Variants in FXR2 observed in about 807,000 individuals in gnomAD.
The protein encoded by FXR2 is FMR1 autosomal homolog 2.
FXR2 carries 9 observed loss-of-function variants against 87.3 expected under a neutral mutation model. That is an observed-to-expected ratio of 0.10 (90% CI 0.06 to 0.18). The LOEUF (loss-of-function observed/expected upper bound fraction) is 0.18, where lower values mean the gene tolerates loss of function less well. FXR2 is among the 10% of genes least tolerant of loss of function. The pLI is 1.00. For missense variants in FXR2, 661 were observed against 893.6 expected (o/e 0.74, Z 3.32); for synonymous variants, 331 against 328.3 (o/e 1.01, Z -0.09).
At chr17:7,605,310 G>A (rs971001692) in intron 3 of FXR2, among the ~76,000 whole-genome samples, 4 of 152,086 alleles carry the variant, frequency 2.6e-5, no homozygotes, top group Admixed American at 2.0e-4. Context: ...GGAGGTTGCA[G>A]TTAGCTGAGA....
rs138740622 is a variant in FXR2, at chr17:7,593,688, T to G, written c.1108-63A>C. On this transcript the variant is annotated intron_variant, in intron 11 of 16. Transcript: ENST00000250113. This position sits in a 1 kb window ranked among gnomAD's most constrained non-coding sequence, Gnocchi z 6.1. ...TAAGATCAGTGCCTTGCTTCATGCT[T>G]CTGCACCCTGACTGTCCCTCTATAT... 432 of 1,140,724 alleles carry G rather than the reference T, an allele frequency of 3.8e-4. 2 individuals carry two copies. In the African/African-American group the frequency reaches 5.1e-3, roughly 14 times the overall value. The allele number at this position is 1,140,724 out of a possible 1,614,324, so 70.7% of individuals were successfully genotyped here.
rs1205769191 is a variant in FXR2, at chr17:7,593,374, C to G, written c.1330+29G>C. 2 of 1,511,828 alleles carry G rather than the reference C, an allele frequency of 1.3e-6. No homozygotes were observed. Among genetic ancestry groups the G allele is most frequent in the South Asian group, 2.4e-5 (2 of 83,398 alleles). 93.7% of individuals were successfully genotyped at this position (1,511,828 alleles called of 1,614,324 possible). On this transcript the variant is annotated intron_variant, in intron 12 of 16. Transcript: ENST00000250113. The surrounding 1 kb of genome is among the most constrained non-coding windows in gnomAD (Gnocchi z 6.1). ...CCTCTACCCACAAGCCCTGCCACTC[C>G]TTGCCTCCTGTTCCCATAACTGTCT...
chr17:7,611,952 C>T (rs796762308), intron 1 of FXR2, among the ~76,000 whole-genome samples: 3 of 152,336 alleles, frequency 2.0e-5, no homozygotes, highest in African/African-American at 7.2e-5. Flanking sequence ...CACATTACCA[C>T]ATTACCTGGC....
chr17:7,612,638 C>T (rs894211537), intron 1 of FXR2, among the ~76,000 whole-genome samples: 6 of 151,910 alleles, frequency 3.9e-5, no homozygotes, highest in African/African-American at 1.2e-4. Context: ...CCACAGTCAC[C>T]GCAGAGAAAT....
At chr17:7,601,180 C>CAAAA (rs35065111) in intron 7 of FXR2, among the ~76,000 whole-genome samples, 1 of 79,372 alleles carries the variant, frequency 1.3e-5, no homozygotes, top group Non-Finnish European at 2.7e-5. Context: ...CTCTGTCTCC[C>CAAAA]AAAAAAAAAA....
chr17:7,603,039 G>A (rs1247169628), intron 5 of FXR2, 37 bp from the exon 6 acceptor site: 2 of 1,044,598 alleles, frequency 1.9e-6, no homozygotes, highest in Admixed American at 3.8e-5. Flanking sequence ...GCAGAATGCA[G>A]AGAGTACAGT....
rs1192210653 is a variant in FXR2 at position 7,595,778 on chromosome 17, C to T, written c.831+46G>A. On this transcript the variant is annotated intron_variant, in intron 8 of 16. Transcript: ENST00000250113. The surrounding 1 kb of genome is among the most constrained non-coding windows in gnomAD (Gnocchi z 4.7). ...CTTATTTTCTACTTCGGCCTCTCTT[C>T]CCTCTATCCCCTAAGAGACCCAGAA... 2.0e-6 allele frequency: 3 copies of T among 1,517,970 alleles called. No homozygotes were observed. The highest frequency in any genetic ancestry group is 1.4e-5 in the African/African-American group (1 of 72,718). The allele number at this position is 1,517,970 out of a possible 1,614,324, so 94.0% of individuals were successfully genotyped here. A position where few individuals can be genotyped will look rare whatever the true frequency, so the allele number is the denominator to read the frequency against.
chr17:7,600,254 A>G (rs1449716530), intron 7 of FXR2, among the ~76,000 whole-genome samples: 2 of 150,836 alleles, frequency 1.3e-5, no homozygotes, highest in African/African-American at 2.4e-5. Context: ...GCTGAAGTGC[A>G]ATGGCGCAAT....
At chr17:7,604,190 G>A (rs1427789021) in intron 3 of FXR2, 110 bp from the exon 4 acceptor site, 2 of 792,702 alleles carry the variant, frequency 2.5e-6, no homozygotes, top group Non-Finnish European at 4.3e-6. Context: ...TCAGCGCTTT[G>A]GGAGGCTGAG....
chr17:7,593,070 C>T lies in FXR2; in HGVS notation c.1442G>A (p.Arg481Gln), dbSNP rs763154238. ...ACCCCGGCCCCCAGTCGGCCGCCTC[C>T]GGCTTTCTTCCCCTCGGGTTGGGGG... ...RDPPTRGEESRRRPTGGRGRG... is the reference protein window; with the variant it reads ...RDPPTRGEESQRRPTGGRGRG... The change falls in exon 13 of 17, where the codon CGG becomes CAG. Residue 481 changes from arginine (R) to glutamine (Q), a missense_variant. Coordinates refer to ENST00000250113, the MANE Select transcript of FXR2 (RefSeq NM_004860.4). This position sits in a 1 kb window ranked among gnomAD's most constrained non-coding sequence, Gnocchi z 6.1. The T allele has an allele frequency of 1.1e-5, 17 of 1,590,926 alleles. No homozygotes were observed. Among genetic ancestry groups the T allele is most frequent in the Middle Eastern group, 1.7e-4 (1 of 5,924 alleles).
rs1374462345 is a variant in FXR2 at position 7,598,653 on chromosome 17, G to A, written c.661-2659C>T. ...ACACAAGCTGCAGTGAGCTGAGATC[G>A]CACTACTGCACTCCAGCCTGGACGA... On this transcript the variant is annotated intron_variant, in intron 7 of 16. Transcript: ENST00000250113. Among the ~76,000 whole-genome samples the A allele has an allele frequency of 5.3e-5, 8 of 151,268 alleles. No homozygotes were observed. The East Asian group carries it at 9.7e-4, about 18-fold the overall frequency.
intron 1 of FXR2, among the ~76,000 whole-genome samples, chr17:7,610,723 G>A (rs2071856594): frequency 6.6e-6 from 1 of 152,010 alleles, no homozygotes; most frequent in South Asian, 2.1e-4. Flanking sequence ...CTCAGTCTAC[G>A]CTCATTGTGA....
intron 1 of FXR2, among the ~76,000 whole-genome samples, 187 bp from the exon 2 acceptor site, chr17:7,606,336 A>C (rs928027456): frequency 1.1e-4 from 16 of 152,124 alleles, no homozygotes; most frequent in Non-Finnish European, 2.4e-4. Flanking sequence ...GAGAAAGGAA[A>C]TGATATTGTC....
intron 1 of FXR2, among the ~76,000 whole-genome samples, chr17:7,611,279 A>G (rs575664655): frequency 5.1e-4 from 77 of 152,174 alleles, no homozygotes; most frequent in Non-Finnish European, 8.1e-4. Context: ...TGACATGAAA[A>G]AAAAAAGGAC....
Position 7,602,924 on chromosome 17 carries a change from A to C in FXR2, c.528T>G (p.Ser176Arg). Residue 176 changes from serine (S) to arginine (R), a missense_variant, in exon 6 of 17, where the codon AGT (serine) becomes AGG (arginine). Ser to Arg is a moderately radical substitution (Grantham distance 110). This residue lies in a region of FXR2 where 170 missense variants were observed against 247.2 expected (regional missense o/e 0.69). Coordinates refer to ENST00000250113, the MANE Select transcript of FXR2 (RefSeq NM_004860.4). ...ATAAACTCACCAGAATGAAGAGCTC[A>C]CTGTTTGTGATGTTGAGAAAGATGC... ...ANCIFLNITN[S>R]ELFILSTTEA... The C allele has an allele frequency of 4.0e-6, 6 of 1,517,330 alleles. No individual in the cohort carries two copies. Among genetic ancestry groups the C allele is most frequent in the Non-Finnish European group, 5.5e-6 (6 of 1,093,060 alleles). The allele number at this position is 1,517,330 out of a possible 1,614,324, so 94.0% of individuals were successfully genotyped here.
In FXR2 at chr17:7,593,053, C is replaced by G. The variant is rs1172188268; in HGVS notation, c.1459G>C (p.Gly487Arg). 2 of 1,584,038 alleles carry G rather than the reference C, an allele frequency of 1.3e-6. No individual in the cohort carries two copies. The highest frequency in any genetic ancestry group is 1.7e-6 in the Non-Finnish European group (2 of 1,167,996). Residue 487 changes from glycine (G) to arginine (R), a missense_variant, in exon 13 of 17, where the codon GGC becomes CGC. By Grantham distance (125) the Gly-to-Arg change is moderately radical. This residue lies in a region of FXR2 where 409 missense variants were observed against 432.0 expected (regional missense o/e 0.95). Transcript: ENST00000250113. This position sits in a 1 kb window ranked among gnomAD's most constrained non-coding sequence, Gnocchi z 6.1. Reference protein sequence around the residue: ...GEESRRRPTGGRGRGPPPAPR... With the variant: ...GEESRRRPTGRRGRGPPPAPR... ...GCAGGTGGGGGTCCCCTACCCCGGC[C>G]CCCAGTCGGCCGCCTCCGGCTTTCT...
In FXR2 at chr17:7,592,448, G is replaced by A. The variant is rs1246257012; in HGVS notation, c.1825+56C>T. 6.4e-7 allele frequency: 1 copy of A among 1,561,404 alleles called. No individual in the cohort carries two copies. The highest frequency in any genetic ancestry group is 1.7e-5 in the Admixed American group (1 of 59,934). ...CCGAACCCCTGATTTTCACAGGGGT[G>A]AGCATCCCATTCTCTCAGCTCTGAG... is the stretch of plus-strand genomic sequence containing the variant. On this transcript the variant is annotated intron_variant, in intron 15 of 16. Coordinates refer to ENST00000250113, the MANE Select transcript of FXR2 (RefSeq NM_004860.4). The surrounding 1 kb of genome is among the most constrained non-coding windows in gnomAD (Gnocchi z 4.8).
chr17:7,605,595 G>GA (rs2071796663), intron 3 of FXR2, 50 bp downstream of exon 3: 1 of 953,138 alleles, frequency 1.0e-6, no homozygotes, highest in South Asian at 1.4e-5. Flanking sequence ...GAAAAGCCTA[G>GA]AATCCTGGGG....
rs966461269 is a variant in FXR2, at chr17:7,595,353, A to C, written c.831+471T>G. On this transcript the variant is annotated intron_variant, in intron 8 of 16. Transcript: ENST00000250113. This position sits in a 1 kb window ranked among gnomAD's most constrained non-coding sequence, Gnocchi z 4.7. The stretch of plus-strand genomic sequence containing the variant: ...TGGTTCAGTGGCACCATCATGGTGT[A>C]CTGCAGCCTTGACTTTCCAGGCTCA... 1.3e-5 allele frequency among the ~76,000 whole-genome samples: 2 copies of C among 152,096 alleles called. No homozygotes were observed. The highest frequency in any genetic ancestry group is 2.9e-5 in the Non-Finnish European group (2 of 68,012).
Sources: allele counts gnomAD v4.1 joint callset (sites outside exome capture counted in the v4.1 genomes callset), GRCh38; gene constraint gnomAD v4.1.1; regional missense constraint gnomAD v4.1.1; non-coding constraint Gnocchi (gnomAD v3.1); transcripts MANE v1.5; gene names NCBI Gene and HGNC (gene_info 2026-07-23, HGNC 2026-07-21).